Variants in METAP1 observed in about 807,000 individuals in gnomAD.
METAP1 encodes methionine aminopeptidase 1.
METAP1 carries 28 observed loss-of-function variants against 53.8 expected under a neutral mutation model. That is an observed-to-expected ratio of 0.52 (90% CI 0.39 to 0.71). The LOEUF (loss-of-function observed/expected upper bound fraction) is 0.71. Ranked by LOEUF, METAP1 falls within the 30% of genes least tolerant of loss-of-function variation. The pLI is 0.00. For synonymous variants in METAP1, 181 were observed against 165.7 expected, an observed-to-expected ratio of 1.09 and a Z score of -0.71; for missense variants, 389 against 479.8, an observed-to-expected ratio of 0.81 and a Z score of 1.77.
chr4:99,022,627 C>A, intron 1 of METAP1: 1 of 794,104 alleles, frequency 1.3e-6, no homozygotes. Context: ...CAGGTGCTGC[C>A]TGTGTGCACA....
At chr4:99,014,960 A>G (rs976023155) in intron 1 of METAP1, among the ~76,000 whole-genome samples, 1 of 152,158 alleles carries the variant, frequency 6.6e-6, no homozygotes, top group Non-Finnish European at 1.5e-5. Context: ...TCGGGGGCTG[A>G]CCCTCAGGGT....
At chr4:99,052,941 C>T (rs1726818490) in intron 9 of METAP1, among the ~76,000 whole-genome samples, 1 of 152,200 alleles carries the variant, frequency 6.6e-6, no homozygotes, top group African/African-American at 2.4e-5. Context: ...AACATCTTCT[C>T]TATGGGTAGA....
chr4:99,003,350 C>G (rs1177108215), intron 1 of METAP1, among the ~76,000 whole-genome samples: 1 of 152,174 alleles, frequency 6.6e-6, no homozygotes, highest in Non-Finnish European at 1.5e-5. Flanking sequence ...GAAGGTTAAC[C>G]CTGTCTTATC....
chr4:99,006,625 T>C (rs1248841116), intron 1 of METAP1, among the ~76,000 whole-genome samples: 1 of 152,216 alleles, frequency 6.6e-6, no homozygotes, highest in Admixed American at 6.5e-5. Flanking sequence ...ACAAGAATTC[T>C]CTGATTTCAT....
chr4:99,037,592 C>T (rs1045571011), intron 4 of METAP1, among the ~76,000 whole-genome samples: 6 of 151,884 alleles, frequency 4.0e-5, no homozygotes, highest in African/African-American at 1.4e-4. Flanking sequence ...ATTTGAAGTG[C>T]AACCTATATT....
chr4:99,004,179 A>G (rs1230170), intron 1 of METAP1, among the ~76,000 whole-genome samples: 1 of 152,106 alleles, frequency 6.6e-6, no homozygotes, highest in Non-Finnish European at 1.5e-5. Flanking sequence ...TCAGCTAGCT[A>G]TTTGGAAACT....
chr4:99,025,574 G>GA, intron 1 of METAP1: 1 of 714,358 alleles, frequency 1.4e-6, no homozygotes, highest in Non-Finnish European at 1.7e-6. Flanking sequence ...CCAGAGCTGA[G>GA]AACCACACTA....
intron 5 of METAP1, 147 bp from the exon 6 acceptor site, chr4:99,040,896 C>T (rs964596868): frequency 1.4e-5 from 4 of 279,276 alleles, no homozygotes; most frequent in African/African-American, 6.7e-5. Context: ...TATGTATTTA[C>T]ATATAATATA....
intron 1 of METAP1, among the ~76,000 whole-genome samples, chr4:99,007,119 C>A (rs150448337): frequency 6.6e-6 from 1 of 152,112 alleles, no homozygotes; most frequent in East Asian, 1.9e-4. Flanking sequence ...CCATGCCTGG[C>A]TAATTTTTGT....
At chr4:99,034,443 T>G (rs1297025570) in intron 3 of METAP1, 101 bp downstream of exon 3, 2 of 735,828 alleles carry the variant, frequency 2.7e-6, no homozygotes, top group Non-Finnish European at 4.7e-6. Context: ...ATCAGGATTG[T>G]GTTTACAAAG....
At chr4:99,036,570 A>G (rs1378929210) in intron 4 of METAP1, among the ~76,000 whole-genome samples, 1 of 152,106 alleles carries the variant, frequency 6.6e-6, no homozygotes, top group African/African-American at 2.4e-5. Flanking sequence ...CGTCTCTGCC[A>G]TCTATACACA....
At chr4:99,043,420 G>A (rs753784432) in intron 7 of METAP1, 33 bp downstream of exon 7, 2 of 1,554,952 alleles carry the variant, frequency 1.3e-6, no homozygotes, top group African/African-American at 1.4e-5. Flanking sequence ...ATCACCATGG[G>A]CAAAGAAACA....
intron 2 of METAP1, among the ~76,000 whole-genome samples, chr4:99,030,336 C>T (rs561885364): frequency 1.2e-4 from 18 of 152,186 alleles, no homozygotes; most frequent in African/African-American, 3.1e-4. Context: ...GCAAGTGTTC[C>T]CTATGTAAAA....
In METAP1 at chr4:99,039,470, G is replaced by A. The variant is rs757499243; in HGVS notation, c.432+5G>A. On this transcript the variant is annotated splice_donor_5th_base_variant and intron_variant, in intron 5 of 10. Coordinates refer to ENST00000296411, the MANE Select transcript of METAP1 (RefSeq NM_015143.3). ...GGGATGCGACTTGTATGTAGGGTAA[G>A]AGTGATTTTTTCTCCATGGGGTAGG... is the stretch of plus-strand genomic sequence containing the variant. 2 of 1,570,016 alleles carry A rather than the reference G, an allele frequency of 1.3e-6. No individual in the cohort carries two copies. The highest frequency in any genetic ancestry group is 1.7e-6 in the Non-Finnish European group (2 of 1,143,292).
At chr4:99,018,712 T>TAGGTAGGATCCATCAGGCTTCCTGAC (rs1267863754) in intron 1 of METAP1, among the ~76,000 whole-genome samples, 1 of 152,174 alleles carries the variant, frequency 6.6e-6, no homozygotes, top group Non-Finnish European at 1.5e-5. Context: ...CTTGTACTAA[T>TAGGTAGGATCCATCAGGCTTCCTGAC]AGGTAGGATC....
In METAP1 at chr4:99,009,215, C is replaced by A. The variant is rs921579801; in HGVS notation, c.114+13348C>A. The stretch of plus-strand genomic sequence containing the variant: ...CCGTCACAGGATTTCCTTTGTAAGG[C>A]TGCATAGTATTTCATTTTATGTGTA... On this transcript the variant is annotated intron_variant, in intron 1 of 10. Coordinates refer to ENST00000296411, the MANE Select transcript of METAP1 (RefSeq NM_015143.3). Among the ~76,000 whole-genome samples the A allele has an allele frequency of 1.1e-4, 16 of 152,316 alleles. No individual in the cohort carries two copies. In the East Asian group the frequency reaches 2.9e-3, roughly 28 times the overall value.
At chr4:99,028,805 T>G in intron 1 of METAP1, 62 bp from the exon 2 acceptor site, 2 of 1,224,392 alleles carry the variant, frequency 1.6e-6, no homozygotes, top group South Asian at 2.9e-5. Context: ...ATATACAATA[T>G]TCCTTAAAAT....
chr4:99,023,388 T>C, intron 1 of METAP1: 2 of 878,008 alleles, frequency 2.3e-6, no homozygotes, highest in Non-Finnish European at 2.8e-6. Context: ...CATATGTGTT[T>C]ATATATTAAG....
At chr4:99,006,894 G>A (rs1052318331) in intron 1 of METAP1, among the ~76,000 whole-genome samples, 8 of 151,042 alleles carry the variant, frequency 5.3e-5, no homozygotes, top group Admixed American at 5.3e-4. Context: ...TCTTTAAGTT[G>A]TTCTTTTGTC....
Sources: gnomAD v4.1 joint callset for allele counts (sites outside exome capture counted in the v4.1 genomes callset) on GRCh38, gnomAD v4.1.1 for gene constraint, MANE v1.5 for transcripts, NCBI Gene and HGNC (gene_info 2026-07-23, HGNC 2026-07-21) for gene names.